The following CHM variants were observed in gnomAD, a reference collection of about 807,000 sequenced individuals.
CHM encodes rab proteins geranylgeranyltransferase component A 1.
CHM carries 10 observed loss-of-function variants against 49.0 expected under a neutral mutation model. The ratio of observed to expected loss-of-function variants is 0.20; its 90% CI spans 0.13 to 0.35. The LOEUF (loss-of-function observed/expected upper bound fraction) is 0.35. Ranked by LOEUF, CHM falls within the 10% of genes least tolerant of loss-of-function variation. CHM has a pLI of 1.00. For missense variants in CHM, 455 were observed against 478.4 expected, an observed-to-expected ratio of 0.95 and a Z score of 0.46; for synonymous variants, 184 against 167.5, an observed-to-expected ratio of 1.10 and a Z score of -0.76.
chrX:85,883,850 A>T (rs1695235998), intron 12 of CHM, among the ~76,000 whole-genome samples: 1 of 110,774 alleles, frequency 9.0e-6, no homozygotes, highest in Non-Finnish European at 1.9e-5. Flanking sequence ...CATATCACAG[A>T]TAACTAACAT....
At chrX:86,042,008 T>G (rs1934486223) in intron 1 of CHM, among the ~76,000 whole-genome samples, 1 of 109,621 alleles carries the variant, frequency 9.1e-6, no homozygotes, top group African/African-American at 3.3e-5. Context: ...AGGAAATCAC[T>G]TGTGTTAAGG....
At chrX:86,010,639 C>T (rs1016785278) in intron 2 of CHM, among the ~76,000 whole-genome samples, 25 of 111,045 alleles carry the variant, frequency 2.3e-4, no homozygotes, top group African/African-American at 8.2e-4. Context: ...CTTTATATTC[C>T]ACCACCACCC....
chrX:85,873,081 C>G lies in CHM; in HGVS notation c.1741G>C (p.Gly581Arg), dbSNP rs1173681269. The G allele has an allele frequency of 8.3e-7, 1 of 1,207,548 alleles. No individual in the cohort carries two copies. Among genetic ancestry groups the G allele is most frequent in the Admixed American group, 2.2e-5 (1 of 45,617 alleles). Residue 581 changes from glycine to arginine, a missense_variant, in exon 14 of 15, where the codon GGT becomes CGT. Gly to Arg is a moderately radical substitution (Grantham distance 125, BLOSUM62 -2). Transcript: ENST00000357749. ...TTGACTGCATTATCATTTCCTAAAC[C>G]ACAATCTGGGCCAGAGCAGACATAA... The part of the protein sequence containing the change: ...NVYVCSGPDC[G>R]LGNDNAVKQA...
chrX:85,976,673 C>A (rs1483446927), intron 4 of CHM, among the ~76,000 whole-genome samples: 4 of 110,270 alleles, frequency 3.6e-5, no homozygotes, highest in Non-Finnish European at 5.7e-5. Flanking sequence ...CTTCTGAGAT[C>A]GCCTAGTCCA....
chrX:86,010,284 C>CA (rs1421188933), intron 2 of CHM, among the ~76,000 whole-genome samples: 2 of 101,841 alleles, frequency 2.0e-5, no homozygotes, highest in Non-Finnish European at 4.0e-5. Flanking sequence ...AGCAAACCAA[C>CA]ATGGCACATG....
At chrX:85,933,940 C>G (rs920008587) in intron 8 of CHM, among the ~76,000 whole-genome samples, 3 of 110,263 alleles carry the variant, frequency 2.7e-5, no homozygotes, top group Non-Finnish European at 5.7e-5. Context: ...TACATGAATT[C>G]AAGATTGCAG....
chrX:85,864,102 C>A lies in CHM; in HGVS notation c.*528G>T, dbSNP rs1923538886. 8.6e-6 allele frequency: 1 copy of A among 116,197 alleles called. No homozygotes were observed. Among genetic ancestry groups the A allele is most frequent in the African/African-American group, 3.2e-5 (1 of 30,863 alleles). 9.6% of individuals were successfully genotyped at this position (116,197 alleles called of 1,213,427 possible). ...CTTTATATTAGCATTTTCAATGCTT[C>A]TCAACATAGAAAGCAAAACAAACCT... is the stretch of plus-strand genomic sequence containing the variant. On this transcript the variant is annotated 3_prime_UTR_variant, in exon 15 of 15. Coordinates refer to ENST00000357749, the MANE Select transcript of CHM (RefSeq NM_000390.4).
chrX:86,039,356 G>A (rs1934367965), intron 1 of CHM, among the ~76,000 whole-genome samples: 1 of 110,493 alleles, frequency 9.1e-6, no homozygotes, highest in African/African-American at 3.3e-5. Flanking sequence ...ATTTTCTCAT[G>A]ATGATTTTAA....
At chrX:85,903,758 T>A (rs1056675487) in intron 9 of CHM, 1 of 361,617 alleles carries the variant, frequency 2.8e-6, no homozygotes, top group African/African-American at 2.6e-5. Context: ...TACTGTTGTA[T>A]CTCTTATGTT....
At chrX:85,896,267 T>C (rs941413754) in intron 11 of CHM, among the ~76,000 whole-genome samples, 5 of 110,899 alleles carry the variant, frequency 4.5e-5, no homozygotes, top group Non-Finnish European at 3.8e-5. Context: ...AAGGCAGATT[T>C]GAAGTAGACA....
At chrX:85,970,218 G>A (rs1041289457) in intron 4 of CHM, 12 of 659,819 alleles carry the variant, frequency 1.8e-5, no homozygotes, top group Non-Finnish European at 2.2e-5. Flanking sequence ...CAATTATTAT[G>A]TATCAATTTA....
intron 7 of CHM, 97 bp from the exon 8 acceptor site, chrX:85,956,475 A>C: frequency 9.3e-7 from 1 of 1,079,375 alleles, no homozygotes; most frequent in Non-Finnish European, 1.2e-6. Flanking sequence ...CACAGACCTC[A>C]CAAAGGACAT....
chrX:85,969,445 CACATAA>C (rs1930765577), intron 4 of CHM: 1 of 725,697 alleles, frequency 1.4e-6, no homozygotes, highest in African/African-American at 2.3e-5. Context: ...TTTATTTCCC[CACATAA>C]ACTATGAAAC....
intron 8 of CHM, among the ~76,000 whole-genome samples, chrX:85,934,005 G>T (rs1488620472): frequency 9.2e-6 from 1 of 108,188 alleles, no homozygotes; most frequent in South Asian, 4.0e-4. Context: ...CTTTGAGACG[G>T]AGTCTCGCTC....
chrX:85,923,644 G>A (rs147207046), intron 8 of CHM, among the ~76,000 whole-genome samples: 2,836 of 112,053 alleles, frequency 0.025, 48 homozygotes, highest in Non-Finnish European at 0.037. Flanking sequence ...AAAAGTATGC[G>A]AGACAAATGC....
chrX:85,920,435 T>C (rs1927725573), intron 8 of CHM, among the ~76,000 whole-genome samples: 2 of 111,638 alleles, frequency 1.8e-5, no homozygotes, highest in African/African-American at 6.5e-5. Context: ...AGAAGCACAG[T>C]AGTAGGGAGT....
At chrX:85,866,725 T>C (rs1173932900) in intron 14 of CHM, among the ~76,000 whole-genome samples, 1 of 113,177 alleles carries the variant, frequency 8.8e-6, no homozygotes, top group Non-Finnish European at 1.9e-5. Flanking sequence ...AGCCTAGCCC[T>C]TGTATCAGCA....
Position 86,047,521 on chromosome X carries a change from A to C in CHM, c.12T>G (p.Thr4=). 1.7e-6 allele frequency: 2 copies of C among 1,206,690 alleles called. No individual in the cohort carries two copies. Among genetic ancestry groups the C allele is most frequent in the Non-Finnish European group, 2.2e-6 (2 of 892,168 alleles). Residue 4 remains threonine, a synonymous_variant, in exon 1 of 15, where the codon ACT becomes ACG. Transcript: ENST00000357749. ...CGATCACATCAAACTCCGAAGGGAGAGTATCCGCCATCTTGACGGGAAACG... is the reference window on the plus strand; with the variant it reads ...CGATCACATCAAACTCCGAAGGGAGCGTATCCGCCATCTTGACGGGAAACG... MAD[T]LPSEFDVIVI... is the part of the protein sequence containing the mutation.
intron 12 of CHM, among the ~76,000 whole-genome samples, chrX:85,888,223 C>G (rs1025602469): frequency 3.6e-5 from 4 of 111,931 alleles, no homozygotes; most frequent in Non-Finnish European, 7.5e-5. Flanking sequence ...GATGTGGTGC[C>G]CTGCATCCCA....
Sources: allele counts gnomAD v4.1 joint callset (sites outside exome capture counted in the v4.1 genomes callset), GRCh38; gene constraint gnomAD v4.1.1; transcripts MANE v1.5; gene names NCBI Gene and HGNC (gene_info 2026-07-23, HGNC 2026-07-21).